The following HIPK3 variants were observed in gnomAD, a reference collection of about 807,000 sequenced individuals.
HIPK3 encodes homeodomain interacting protein kinase 3.
A neutral mutation model predicts 124.2 loss-of-function variants in HIPK3; 47 were observed. The ratio of observed to expected loss-of-function variants is 0.38; its 90% CI spans 0.30 to 0.48. The LOEUF (loss-of-function observed/expected upper bound fraction) is 0.48. Ranked by LOEUF, HIPK3 falls within the 20% of genes least tolerant of loss-of-function variation. The pLI, the probability that HIPK3 is intolerant of heterozygous loss-of-function variation, is 0.98. For synonymous variants in HIPK3, 482 were observed against 515.2 expected (o/e 0.94, Z 0.87); for missense variants, 1,286 against 1,454.3 (o/e 0.88, Z 1.88).
In HIPK3 at chr11:33,348,731, C is replaced by T. The variant is rs755128120; in HGVS notation, c.2579C>T (p.Ala860Val). The T allele has an allele frequency of 4.3e-6, 7 of 1,614,074 alleles. No homozygotes were observed. The highest frequency in any genetic ancestry group is 1.6e-4 in the Middle Eastern group (1 of 6,062). ...SDKQRQTIII[A>V]DSPSPAVSVI... Reference sequence around the variant, plus strand: ...AAACAGCGGCAAACCATCATTATTGCCGACTCCCCGAGTCCTGCAGTGAGT... The same window carrying T: ...AAACAGCGGCAAACCATCATTATTGTCGACTCCCCGAGTCCTGCAGTGAGT... Residue 860 changes from alanine (A) to valine (V), a missense_variant, in exon 13 of 17, where the codon GCC (alanine) becomes GTC (valine). Coordinates refer to ENST00000303296, the MANE Select transcript of HIPK3 (RefSeq NM_005734.5).
chr11:33,274,407 A>G (rs1851217729), intron 1 of HIPK3, among the ~76,000 whole-genome samples: 1 of 152,200 alleles, frequency 6.6e-6, no homozygotes, highest in African/African-American at 2.4e-5. Flanking sequence ...AAAGCAATAC[A>G]TTTGGCTTTC....
intron 1 of HIPK3, chr11:33,258,463 G>A (rs1850732625): frequency 1.0e-6 from 1 of 985,380 alleles, no homozygotes; most frequent in Admixed American, 6.1e-5. Flanking sequence ...CTCTGGGGAC[G>A]TGCGTGCGTG....
At chr11:33,265,196 A>G (rs1461938447) in intron 1 of HIPK3, among the ~76,000 whole-genome samples, 1 of 152,232 alleles carries the variant, frequency 6.6e-6, no homozygotes, top group Admixed American at 6.5e-5. Context: ...TATATAACCT[A>G]TAGCTATGAT....
chr11:33,257,317 G>A (rs1170939004), upstream of HIPK3: 1 of 983,824 alleles, frequency 1.0e-6, no homozygotes, highest in Non-Finnish European at 1.2e-6. Context: ...GGCGGGCGGT[G>A]GCGCTGCGGA....
chr11:33,337,315 A>G (rs1853181126), intron 4 of HIPK3, 121 bp downstream of exon 4: 2 of 502,202 alleles, frequency 4.0e-6, no homozygotes, highest in Non-Finnish European at 6.4e-6. Flanking sequence ...TTGAATTTTC[A>G]TTTTTGGCCC....
intron 14 of HIPK3, among the ~76,000 whole-genome samples, chr11:33,350,880 G>T (rs1002362058): frequency 6.6e-6 from 1 of 152,098 alleles, no homozygotes; most frequent in Non-Finnish European, 1.5e-5. Context: ...AATATGGTTT[G>T]AAAATTGATA....
rs1339098902 is a variant in HIPK3 at position 33,287,116 on chromosome 11, T to C, written c.702T>C (p.Tyr234=). 1.2e-6 allele frequency: 2 copies of C among 1,614,220 alleles called. No individual in the cohort carries two copies. Among genetic ancestry groups the C allele is most frequent in the Non-Finnish European group, 8.5e-7 (1 of 1,180,038 alleles). Reference sequence around the variant, plus strand: ...AAATTTTGAAGAATCATCCTTCTTATGCCCGTCAAGGTCAAATAGAAGTGA... The same window carrying C: ...AAATTTTGAAGAATCATCCTTCTTACGCCCGTCAAGGTCAAATAGAAGTGA... ...AIKILKNHPS[Y]ARQGQIEVSI... Residue 234 remains tyrosine (Y), a synonymous_variant, in exon 2 of 17, where the codon TAT becomes TAC. Transcript: ENST00000303296.
chr11:33,257,241 G>A (rs1850687596), upstream of HIPK3: 11 of 984,122 alleles, frequency 1.1e-5, no homozygotes, highest in African/African-American at 1.7e-5. Context: ...CCCGGGGAGG[G>A]GCTTCACGGA....
chr11:33,286,600 TCAGA>T lies in HIPK3; in HGVS notation c.189_192del (p.Thr64ArgfsTer21). The T allele has an allele frequency of 6.2e-7, 1 of 1,614,144 alleles. No individual in the cohort carries two copies. Among genetic ancestry groups the T allele is most frequent in the South Asian group, 1.1e-5 (1 of 91,080 alleles). Reference sequence around the variant, plus strand: ...ATCCTCCCACTAAGGGTAGTGCTTTTCAGACAAAGATACCATTTAATAGACCTCG... The same window carrying T: ...ATCCTCCCACTAAGGGTAGTGCTTTTCAAAGATACCATTTAATAGACCTCG... On this transcript the variant is annotated frameshift_variant, in exon 2 of 17. Transcript: ENST00000303296. LOFTEE classifies it high-confidence loss of function.
At position 33,341,141 on chromosome 11, in the gene HIPK3, G is replaced by A. The variant is rs202178287; in HGVS notation, c.1773+14G>A. 5.1e-4 allele frequency: 771 copies of A among 1,512,278 alleles called. No individual in the cohort carries two copies. The highest frequency in any genetic ancestry group is 6.5e-4 in the Non-Finnish European group (733 of 1,124,356). 93.7% of individuals were successfully genotyped at this position (1,512,278 alleles called of 1,614,324 possible). A position where few individuals can be genotyped will look rare whatever the true frequency, so the allele number is the denominator to read the frequency against. On this transcript the variant is annotated intron_variant, in intron 7 of 16. Transcript: ENST00000303296. ...TTAAGAAGTCAGGTAAGAATGTGTA[G>A]TAATTAATAACTTAGGGTCTTTTTT...
intron 2 of HIPK3, among the ~76,000 whole-genome samples, chr11:33,318,240 A>AT (rs1852563230): frequency 1.3e-5 from 2 of 151,598 alleles, no homozygotes; most frequent in South Asian, 4.2e-4. Context: ...TTTTATTTTT[A>AT]TTTTTTATAG....
Position 33,353,951 on chromosome 11 carries a change from A to C in HIPK3, c.*383A>C, listed in dbSNP as rs1047416545. Reference sequence around the variant, plus strand: ...GAATTACAGCATACAAGTGAATTGTATTATCCGTGTCTTAGTGTATAAATG... The same window carrying C: ...GAATTACAGCATACAAGTGAATTGTCTTATCCGTGTCTTAGTGTATAAATG... On this transcript the variant is annotated 3_prime_UTR_variant, in exon 17 of 17. Coordinates refer to ENST00000303296, the MANE Select transcript of HIPK3 (RefSeq NM_005734.5). 4.8e-6 allele frequency: 1 copy of C among 210,344 alleles called. No homozygotes were observed. Among genetic ancestry groups the C allele is most frequent in the African/African-American group, 2.3e-5 (1 of 42,824 alleles). 13.0% of individuals were successfully genotyped at this position (210,344 alleles called of 1,614,324 possible).
At chr11:33,289,348 G>A (rs1490744269) in intron 2 of HIPK3, among the ~76,000 whole-genome samples, 1 of 152,080 alleles carries the variant, frequency 6.6e-6, no homozygotes, top group East Asian at 1.9e-4. Flanking sequence ...AAGAGGCTGA[G>A]GTAGGAGGAT....
intron 3 of HIPK3, among the ~76,000 whole-genome samples, chr11:33,329,621 A>G (rs928123183): frequency 1.3e-5 from 2 of 152,284 alleles, no homozygotes; most frequent in Admixed American, 6.5e-5. Flanking sequence ...ATCTCTTGTC[A>G]TCATCCATGA....
At chr11:33,346,148 A>ATAC (rs1339929101) in intron 8 of HIPK3, among the ~76,000 whole-genome samples, 1 of 152,188 alleles carries the variant, frequency 6.6e-6, no homozygotes, top group Admixed American at 6.5e-5. Flanking sequence ...CTGGAATGTG[A>ATAC]TACTACTTTG....
chr11:33,305,039 C>T (rs1329570950), intron 2 of HIPK3, among the ~76,000 whole-genome samples: 4 of 152,158 alleles, frequency 2.6e-5, no homozygotes, highest in East Asian at 3.8e-4. Flanking sequence ...CTTGCTCTGT[C>T]GCCCAGGCTG....
intron 2 of HIPK3, among the ~76,000 whole-genome samples, chr11:33,311,975 TACAC>T (rs71034672): frequency 2.9e-4 from 40 of 137,078 alleles, no homozygotes; most frequent in Admixed American, 8.0e-4. Flanking sequence ...ACCCTGTTTC[TACAC>T]ACACACACAC....
chr11:33,288,481 T>C (rs2067969), intron 2 of HIPK3, among the ~76,000 whole-genome samples: 18 of 152,090 alleles, frequency 1.2e-4, no homozygotes, highest in Admixed American at 1.2e-3. Flanking sequence ...AACACAAATA[T>C]ACTTCTTTGG....
chr11:33,302,342 C>CTTTTTTTTTTTTTTTTT (rs58735030), intron 2 of HIPK3, among the ~76,000 whole-genome samples: 53 of 135,694 alleles, frequency 3.9e-4, no homozygotes, highest in Non-Finnish European at 6.6e-4. Flanking sequence ...TTCCTTACTT[C>CTTTTTTTTTTTTTTTTT]TTTTTTTTTT....
Sources: allele counts gnomAD v4.1 joint callset (sites outside exome capture counted in the v4.1 genomes callset), GRCh38; gene constraint gnomAD v4.1.1; transcripts MANE v1.5; gene names NCBI Gene and HGNC (gene_info 2026-07-23, HGNC 2026-07-21).